Variants in PTPRN2 observed in about 807,000 individuals in gnomAD.
The protein encoded by PTPRN2 is receptor-type tyrosine-protein phosphatase N2.
In PTPRN2, 74 loss-of-function variants were observed where a neutral mutation model predicts 118.8. The ratio of observed to expected loss-of-function variants is 0.62; its 90% CI spans 0.52 to 0.76. The LOEUF is 0.76. Ranked by LOEUF, PTPRN2 falls within the 30% of genes least tolerant of loss-of-function variation. The pLI, the probability that PTPRN2 is intolerant of heterozygous loss-of-function variation, is 0.00. For missense variants in PTPRN2, 1,481 were observed against 1,394.4 expected, an observed-to-expected ratio of 1.06 and a Z score of -0.99; for synonymous variants, 641 against 608.0, an observed-to-expected ratio of 1.05 and a Z score of -0.80.
intron 11 of PTPRN2, among the ~76,000 whole-genome samples, chr7:158,060,400 C>CGT (rs1810233631): frequency 6.6e-6 from 1 of 152,208 alleles, no homozygotes; most frequent in African/African-American, 2.4e-5. Flanking sequence ...ACTGTCTCGC[C>CGT]GTGTGTGTGT....
intron 12 of PTPRN2, among the ~76,000 whole-genome samples, chr7:157,817,500 C>T (rs75302638): frequency 0.035 from 5,394 of 152,226 alleles, 321 homozygotes; most frequent in African/African-American, 0.12. Context: ...GCCACCATCA[C>T]GGCACCGTTT....
chr7:158,110,434 C>G (rs561904579), intron 10 of PTPRN2, among the ~76,000 whole-genome samples: 1 of 152,200 alleles, frequency 6.6e-6, no homozygotes, highest in Non-Finnish European at 1.5e-5. Flanking sequence ...CGAAGGGCAG[C>G]GCATTTTCCT....
rs116113524 is a variant in PTPRN2 at position 158,444,973 on chromosome 7, C to T, written c.163+44762G>A. On this transcript the variant is annotated intron_variant, in intron 2 of 22. Transcript: ENST00000389418. Reference sequence around the variant, plus strand: ...GCGGGGCACCATGCCAGACCACGGCCCTCTGCACAGCAGCAAGCCCACCAC... The same window carrying T: ...GCGGGGCACCATGCCAGACCACGGCTCTCTGCACAGCAGCAAGCCCACCAC... 5.1e-3 allele frequency among the ~76,000 whole-genome samples: 773 copies of T among 152,358 alleles called. 11 individuals are homozygous for T. The highest frequency in any genetic ancestry group is 0.018 in the African/African-American group (744 of 41,580).
At chr7:158,402,119 C>A (rs1812991777) in intron 2 of PTPRN2, among the ~76,000 whole-genome samples, 1 of 152,118 alleles carries the variant, frequency 6.6e-6, no homozygotes, top group South Asian at 2.1e-4. Context: ...ATCCAGCCAC[C>A]CCCTCCAAAC....
intron 3 of PTPRN2, among the ~76,000 whole-genome samples, chr7:158,257,807 G>A (rs906220495): frequency 2.0e-5 from 3 of 152,366 alleles, no homozygotes; most frequent in Non-Finnish European, 4.4e-5. Flanking sequence ...TGCGTGCCAG[G>A]GGTGAGCCCG....
chr7:157,701,264 G>C (rs1040276963), intron 12 of PTPRN2, among the ~76,000 whole-genome samples: 3 of 152,150 alleles, frequency 2.0e-5, no homozygotes, highest in Non-Finnish European at 2.9e-5. Context: ...GTTTCACAGG[G>C]GAGAGCTCCG....
intron 3 of PTPRN2, 139 bp downstream of exon 3, chr7:158,316,680 C>T: frequency 1.6e-6 from 1 of 644,674 alleles, no homozygotes; most frequent in Non-Finnish European, 2.6e-6. Flanking sequence ...GAGCCCAGCG[C>T]CCGGCTCCCA....
At chr7:158,040,736 C>CTTTTTTTTT (rs58192875) in intron 11 of PTPRN2, among the ~76,000 whole-genome samples, 4 of 142,206 alleles carry the variant, frequency 2.8e-5, no homozygotes, top group African/African-American at 7.8e-5. Flanking sequence ...TTTTTTCTTT[C>CTTTTTTTTT]TTTTTTTTTT....
At chr7:157,889,632 G>A (rs1309851423) in intron 12 of PTPRN2, among the ~76,000 whole-genome samples, 1 of 152,218 alleles carries the variant, frequency 6.6e-6, no homozygotes, top group Non-Finnish European at 1.5e-5. Context: ...AGCTGACCAT[G>A]CATGCCCGTG....
chr7:158,071,605 AGGTGCTCGTGGTGGAGG>A (rs1811734002), intron 11 of PTPRN2, among the ~76,000 whole-genome samples: 18 of 19,266 alleles, frequency 9.3e-4, no homozygotes, highest in African/African-American at 1.5e-3. Flanking sequence ...CTCCTGGTGG[AGGTGCTCGTGGTGGAGG>A]TGCTCGTGGT....
At chr7:158,202,841 C>G (rs2150738271) in intron 4 of PTPRN2, among the ~76,000 whole-genome samples, 1 of 152,160 alleles carries the variant, frequency 6.6e-6, no homozygotes, top group East Asian at 1.9e-4. Context: ...AAGTTACTAG[C>G]CTGAAATATA....
chr7:158,100,749 G>C (rs555889830), intron 10 of PTPRN2, among the ~76,000 whole-genome samples: 1 of 152,166 alleles, frequency 6.6e-6, no homozygotes, highest in South Asian at 2.1e-4. Context: ...TGATGGGACT[G>C]TTTGTTTCTT....
In PTPRN2 at chr7:157,763,906, A is replaced by C. The variant is rs1802293665; in HGVS notation, c.1789-80969T>G. Among the ~76,000 whole-genome samples the C allele has an allele frequency of 6.6e-6, 1 of 152,062 alleles. No individual in the cohort carries two copies. The highest frequency in any genetic ancestry group is 1.5e-5 in the Non-Finnish European group (1 of 68,016). On this transcript the variant is annotated intron_variant, in intron 12 of 22. Transcript: ENST00000389418. The surrounding 1 kb of genome is among the most constrained non-coding windows in gnomAD (Gnocchi z 4.9). ...ACCTTTTGTTTTCAGAGAAGCAACA[A>C]CACCTCATATTCAGTCTAACCTGTG... is the stretch of plus-strand genomic sequence containing the variant.
chr7:157,895,047 C>CT (rs1797023099), intron 12 of PTPRN2, among the ~76,000 whole-genome samples: 1 of 32,382 alleles, frequency 3.1e-5, no homozygotes, highest in African/African-American at 7.3e-5. Flanking sequence ...CAAAAGAGGA[C>CT]CCCTCCCCCA....
intron 11 of PTPRN2, among the ~76,000 whole-genome samples, chr7:158,071,333 G>C (rs1447873789): frequency 7.8e-5 from 9 of 115,868 alleles, no homozygotes; most frequent in East Asian, 2.9e-4. Flanking sequence ...AGGTGCCCAT[G>C]GTGGTGGAGG....
intron 3 of PTPRN2, among the ~76,000 whole-genome samples, chr7:158,289,076 C>A (rs1324245763): frequency 1.3e-5 from 2 of 152,034 alleles, no homozygotes; most frequent in Non-Finnish European, 2.9e-5. Context: ...TGATTTGCTT[C>A]TTTTCTCTCA....
At chr7:158,307,984 A>C (rs1349241735) in intron 3 of PTPRN2, among the ~76,000 whole-genome samples, 1 of 152,168 alleles carries the variant, frequency 6.6e-6, no homozygotes, top group Non-Finnish European at 1.5e-5. Flanking sequence ...CTCTGCAGAG[A>C]GTCCCCAACA....
chr7:158,220,329 G>A (rs1828264900), intron 3 of PTPRN2, among the ~76,000 whole-genome samples: 1 of 152,014 alleles, frequency 6.6e-6, no homozygotes, highest in Non-Finnish European at 1.5e-5. Context: ...GAGCAGTCAG[G>A]CAAGGGAAAG....
In PTPRN2 at chr7:158,150,976, T is replaced by C. The variant is rs147948999; in HGVS notation, c.911-12461A>G. 2.9e-3 allele frequency among the ~76,000 whole-genome samples: 441 copies of C among 151,822 alleles called. 2 individuals are homozygous for C. The highest frequency in any genetic ancestry group is 6.4e-3 in the Admixed American group (97 of 15,222). ...GTGCATCCCACCCTGCTTACAGCAATGTCTGTTCCTCTCAGCACCTCATGC... is the reference window on the plus strand; with the variant it reads ...GTGCATCCCACCCTGCTTACAGCAACGTCTGTTCCTCTCAGCACCTCATGC... On this transcript the variant is annotated intron_variant, in intron 6 of 22. Coordinates refer to ENST00000389418, the MANE Select transcript of PTPRN2 (RefSeq NM_002847.5).
Sources: gnomAD v4.1 joint callset for allele counts (sites outside exome capture counted in the v4.1 genomes callset) on GRCh38, gnomAD v4.1.1 for gene constraint, Gnocchi (gnomAD v3.1) non-coding constraint, MANE v1.5 for transcripts, NCBI Gene and HGNC (gene_info 2026-07-23, HGNC 2026-07-21) for gene names.